PCDHA2: variants seen among roughly 807,000 people sequenced by gnomAD.
The protein encoded by PCDHA2 is protocadherin alpha-2.
PCDHA2 carries 58 observed loss-of-function variants against 66.0 expected under a neutral mutation model. The observed-to-expected ratio is 0.88, with a 90% CI of 0.71 to 1.09. The LOEUF (loss-of-function observed/expected upper bound fraction) is 1.09, where lower values mean the gene tolerates loss of function less well. PCDHA2 is among the 50% of genes least tolerant of loss of function. The probability of loss-of-function intolerance (pLI) is 0.00; values close to 1 mark genes in which losing one functional copy is unlikely to be tolerated. For missense variants in PCDHA2, 1,267 were observed against 1,242.3 expected (o/e 1.02, Z -0.30); for synonymous variants, 634 against 554.0 (o/e 1.14, Z -2.03).
At chr5:140,921,868 T>C (rs1037750056) in intron 1 of PCDHA2, among the ~76,000 whole-genome samples, 1 of 152,016 alleles carries the variant, frequency 6.6e-6, no homozygotes, top group Non-Finnish European at 1.5e-5. Context: ...ATATATACAG[T>C]ATATATATAA....
chr5:140,929,033 G>A (rs2085746479), intron 1 of PCDHA2: 1 of 1,614,186 alleles, frequency 6.2e-7, no homozygotes, highest in Non-Finnish European at 8.5e-7. Flanking sequence ...CCAGGCTGTT[G>A]CGCTCAGAGC....
chr5:140,874,745 A>G (rs2055087824), intron 1 of PCDHA2, among the ~76,000 whole-genome samples: 2 of 152,242 alleles, frequency 1.3e-5, no homozygotes, highest in African/African-American at 4.8e-5. Flanking sequence ...GCATCAAGGA[A>G]CCAAACAATA....
chr5:140,926,592 C>A, intron 1 of PCDHA2: 1 of 298,858 alleles, frequency 3.3e-6, no homozygotes, highest in Non-Finnish European at 6.1e-6. Context: ...CGCGCCCGGG[C>A]GGGCGGCCTC....
chr5:140,834,714 G>A (rs2150224744), intron 1 of PCDHA2: 2 of 1,614,274 alleles, frequency 1.2e-6, no homozygotes, highest in Admixed American at 1.7e-5. Flanking sequence ...GGTGATCGTG[G>A]AAAGGCCGCT....
chr5:140,821,896 G>A (rs2150111704), intron 1 of PCDHA2: 3 of 1,614,236 alleles, frequency 1.9e-6, no homozygotes, highest in Non-Finnish European at 2.5e-6. Context: ...AGCCAAACAC[G>A]GAACCTTCGT....
chr5:140,807,122 G>A (rs1167466402), intron 1 of PCDHA2: 7 of 1,539,976 alleles, frequency 4.5e-6, no homozygotes, highest in South Asian at 2.5e-5. Flanking sequence ...TTGACTGACC[G>A]ATTAAAAGAT....
intron 1 of PCDHA2, chr5:140,843,278 G>A (rs147078401): frequency 6.3e-7 from 1 of 1,595,978 alleles, no homozygotes; most frequent in Non-Finnish European, 8.6e-7. Flanking sequence ...CCTGGTGAAG[G>A]ATCATGGTGA....
chr5:140,914,145 G>A lies in PCDHA2; in HGVS notation c.2389-64804G>A, dbSNP rs2076623510. Among the ~76,000 whole-genome samples the A allele has an allele frequency of 3.3e-5, 5 of 152,138 alleles. 1 individual carries two copies. The South Asian group carries it at 1.0e-3, about 32-fold the overall frequency. On this transcript the variant is annotated intron_variant, in intron 1 of 3. Transcript: ENST00000526136. ...TTCTTTGTTGAGTTTTTGTCTGTCAGTTCTGTCCAATACGGAAAGTGGGGT... is the reference window on the plus strand; with the variant it reads ...TTCTTTGTTGAGTTTTTGTCTGTCAATTCTGTCCAATACGGAAAGTGGGGT...
At chr5:140,968,167 A>C (rs782252124) in intron 1 of PCDHA2, 1 of 1,614,076 alleles carries the variant, frequency 6.2e-7, no homozygotes, top group Admixed American at 1.7e-5. Flanking sequence ...ACAATCCACC[A>C]AGCTTCCTGG....
rs782252615 is a variant in PCDHA2 at position 140,805,132 on chromosome 5, T to C, written c.2388+7780T>C. ...TCTAACAAGACTCTTGGCAAAGACA[T>C]TTTGAAGACTTTGGAATTTTCACTT... On this transcript the variant is annotated intron_variant, in intron 1 of 3. Coordinates refer to ENST00000526136, the MANE Select transcript of PCDHA2 (RefSeq NM_018905.3). The C allele has an allele frequency of 7.6e-6, 12 of 1,575,886 alleles. No homozygotes were observed. The Admixed American group carries it at 2.1e-4, about 28-fold the overall frequency.
chr5:140,836,715 C>T, intron 1 of PCDHA2: 1 of 1,612,974 alleles, frequency 6.2e-7, no homozygotes, highest in Non-Finnish European at 8.5e-7. Flanking sequence ...CAGCCTTCCT[C>T]AGGGTCCATC....
intron 1 of PCDHA2, among the ~76,000 whole-genome samples, chr5:140,826,903 G>C (rs1769108708): frequency 6.6e-6 from 1 of 152,118 alleles, no homozygotes; most frequent in Non-Finnish European, 1.5e-5. Flanking sequence ...AGATAAATAT[G>C]ATAGCATGTG....
In PCDHA2 at chr5:140,927,058, C is replaced by G. The variant is rs376173105; in HGVS notation, c.2389-51891C>G. ...GGCCGCTATGTCCTCGCGGAACTTT[C>G]GCTTCCTTTCCAGCCACCGCGAGCT... On this transcript the variant is annotated intron_variant, in intron 1 of 3. Coordinates refer to ENST00000526136, the MANE Select transcript of PCDHA2 (RefSeq NM_018905.3). 17 of 1,611,136 alleles carry G rather than the reference C, an allele frequency of 1.1e-5. No homozygotes were observed. The South Asian group carries it at 1.2e-4, about 11-fold the overall frequency.
chr5:140,981,883 C>T (rs1488792007), intron 2 of PCDHA2, among the ~76,000 whole-genome samples: 1 of 152,146 alleles, frequency 6.6e-6, no homozygotes, highest in Non-Finnish European at 1.5e-5. Context: ...GAATTAATCT[C>T]TTCTGAGCGG....
At chr5:140,908,727 G>A (rs1388044565) in intron 1 of PCDHA2, among the ~76,000 whole-genome samples, 1 of 152,136 alleles carries the variant, frequency 6.6e-6, no homozygotes, top group Non-Finnish European at 1.5e-5. Context: ...GGGTCATATG[G>A]CTCGAGAAAC....
rs10569930 is a variant in PCDHA2, at chr5:140,925,641, TATAATAATAATA to T, written c.2389-53282_2389-53271del. On this transcript the variant is annotated intron_variant, in intron 1 of 3. Coordinates refer to ENST00000526136, the MANE Select transcript of PCDHA2 (RefSeq NM_018905.3). ...TGCACATGTACCCTAGAACTTAAAG[TATAATAATAATA>T]ATAATAATAATAATAATAATAATAA... Among the ~76,000 whole-genome samples the T allele has an allele frequency of 2.0e-4, 29 of 143,352 alleles. 1 individual carries two copies. Among genetic ancestry groups the T allele is most frequent in the Admixed American group, 7.0e-4 (10 of 14,330 alleles). 94.0% of individuals were successfully genotyped at this position (143,352 alleles called of 152,430 possible). A position where few individuals can be genotyped will look rare whatever the true frequency, so the allele number is the denominator to read the frequency against.
chr5:140,822,547 A>G lies in PCDHA2; in HGVS notation c.2388+25195A>G, dbSNP rs2150117174. 1.1e-3 allele frequency: 1,829 copies of G among 1,613,676 alleles called. 13 individuals carry two copies. In the African/African-American group the frequency reaches 0.022, roughly 19 times the overall value. On this transcript the variant is annotated intron_variant, in intron 1 of 3. Coordinates refer to ENST00000526136, the MANE Select transcript of PCDHA2 (RefSeq NM_018905.3). ...ATTGTTGGAAAATGCACCAAGTGGGACATTAGTTATTAAACTGAACGCCTC... is the reference window on the plus strand; with the variant it reads ...ATTGTTGGAAAATGCACCAAGTGGGGCATTAGTTATTAAACTGAACGCCTC...
rs17844248 is a variant in PCDHA2, at chr5:140,796,116, T to G, written c.1152T>G (p.His384Gln). The change falls in exon 1 of 4, where the codon CAT becomes CAG. Residue 384 changes from histidine to glutamine, a missense_variant. Coordinates refer to ENST00000526136, the MANE Select transcript of PCDHA2 (RefSeq NM_018905.3). ...ATCGCGACTCTGGTACGAATGGACATGTCACCTGCTCCCTGACGCCCCACG... is the reference window on the plus strand; with the variant it reads ...ATCGCGACTCTGGTACGAATGGACAGGTCACCTGCTCCCTGACGCCCCACG... ...VSDRDSGTNG[H>Q]VTCSLTPHVP... is the part of the protein sequence containing the mutation. 5 of 1,614,210 alleles carry G rather than the reference T, an allele frequency of 3.1e-6. No individual in the cohort carries two copies. The highest frequency in any genetic ancestry group is 4.2e-6 in the Non-Finnish European group (5 of 1,180,030).
intron 3 of PCDHA2, among the ~76,000 whole-genome samples, chr5:141,006,466 G>T (rs2153987717): frequency 6.6e-6 from 1 of 152,178 alleles, no homozygotes; most frequent in South Asian, 2.1e-4. Context: ...GCCTGTCTCG[G>T]CCTCCCAAAG....
Sources: allele counts gnomAD v4.1 joint callset (sites outside exome capture counted in the v4.1 genomes callset), GRCh38; gene constraint gnomAD v4.1.1; transcripts MANE v1.5; gene names NCBI Gene and HGNC (gene_info 2026-07-23, HGNC 2026-07-21).